The following NTNG1 variants were observed in gnomAD, a reference collection of about 807,000 sequenced individuals.
NTNG1 encodes the protein netrin-G1.
A neutral mutation model predicts 54.0 loss-of-function variants in NTNG1; 16 were observed. That is an observed-to-expected ratio of 0.30 (90% CI 0.20 to 0.45). NTNG1 has a LOEUF of 0.45. Among genes scored for constraint, NTNG1 ranks in the 20% least tolerant of loss-of-function variants. The pLI is 1.00. For synonymous variants in NTNG1, 255 were observed against 263.1 expected, an observed-to-expected ratio of 0.97 and a Z score of 0.30; for missense variants, 530 against 678.7, an observed-to-expected ratio of 0.78 and a Z score of 2.43.
chr1:107,146,715 T>C (rs1004085174), intron 1 of NTNG1, among the ~76,000 whole-genome samples: 3 of 152,070 alleles, frequency 2.0e-5, no homozygotes, highest in Non-Finnish European at 4.4e-5. Flanking sequence ...TAACATTTTA[T>C]GAATTGAATA....
At chr1:107,466,183 G>A (rs1488875270) in intron 7 of NTNG1, among the ~76,000 whole-genome samples, 1 of 151,984 alleles carries the variant, frequency 6.6e-6, no homozygotes, top group Non-Finnish European at 1.5e-5. Context: ...TTGTGAGGGA[G>A]AGAATGAGTG....
At chr1:107,152,427 T>C (rs1358166721) in intron 2 of NTNG1, among the ~76,000 whole-genome samples, 1 of 152,186 alleles carries the variant, frequency 6.6e-6, no homozygotes, top group Non-Finnish European at 1.5e-5. Context: ...CTATGACTTT[T>C]TCTTTGTGTT....
chr1:107,436,662 CAG>C lies in NTNG1; in HGVS notation c.1256_1257del, dbSNP rs771689765. On this transcript the variant is annotated splice_acceptor_variant, in intron 6 of 7. Coordinates refer to ENST00000370068, the MANE Select transcript of NTNG1 (RefSeq NM_001113226.3). LOFTEE classifies it high-confidence loss of function. The stretch of plus-strand genomic sequence containing the variant: ...CAGCCTGTGTGTTGTCTTGTTTCTA[CAG>C]AGTGTTATTGTAACCCTTTGGGCTC... The C allele has an allele frequency of 7.4e-6, 12 of 1,612,016 alleles. No individual in the cohort carries two copies. Among genetic ancestry groups the C allele is most frequent in the Non-Finnish European group, 9.3e-6 (11 of 1,178,868 alleles).
At chr1:107,460,849 G>A (rs1293310971) in intron 7 of NTNG1, among the ~76,000 whole-genome samples, 1 of 152,186 alleles carries the variant, frequency 6.6e-6, no homozygotes, top group East Asian at 1.9e-4. Context: ...ACTCTAGAGG[G>A]TCTGGCAGCC....
chr1:107,294,948 C>A lies in NTNG1; in HGVS notation c.247-29334C>A, dbSNP rs190979744. On this transcript the variant is annotated intron_variant, in intron 2 of 7. Coordinates refer to ENST00000370068, the MANE Select transcript of NTNG1 (RefSeq NM_001113226.3). ...TGTTTTCATCCAATACAATATCAAC[C>A]TAAATGCACTCAGTAAGTGAAATCT... Among the ~76,000 whole-genome samples the A allele has an allele frequency of 1.8e-3, 274 of 152,306 alleles. 2 individuals carry two copies. The highest frequency in any genetic ancestry group is 6.4e-3 in the African/African-American group (267 of 41,566).
intron 2 of NTNG1, among the ~76,000 whole-genome samples, chr1:107,237,746 C>T (rs1570929313): frequency 6.6e-6 from 1 of 152,174 alleles, no homozygotes; most frequent in Admixed American, 6.5e-5. Flanking sequence ...GTCTTGGCAG[C>T]TTCCAAGTGG....
Position 107,408,184 on chromosome 1 carries a change from G to A in NTNG1, c.1087+476G>A, listed in dbSNP as rs1027678591. The stretch of plus-strand genomic sequence containing the variant: ...CATGATACCAAGGGAAGGGAATTTT[G>A]TTAATGCATTAAATTCTATGTTTTG... On this transcript the variant is annotated intron_variant, in intron 5 of 7. Transcript: ENST00000370068. The A allele has an allele frequency of 2.1e-5, 5 of 240,120 alleles. No homozygotes were observed. The East Asian group carries it at 5.6e-4, about 27-fold the overall frequency. 14.9% of individuals were successfully genotyped at this position (240,120 alleles called of 1,614,324 possible).
chr1:107,325,480 T>C (rs1479035100), intron 3 of NTNG1, among the ~76,000 whole-genome samples: 2 of 152,160 alleles, frequency 1.3e-5, no homozygotes, highest in East Asian at 3.9e-4. Flanking sequence ...ATCAAAAATA[T>C]ATACTAGCAT....
chr1:107,276,126 T>G (rs1014304622), intron 2 of NTNG1, among the ~76,000 whole-genome samples: 1 of 152,218 alleles, frequency 6.6e-6, no homozygotes, highest in African/African-American at 2.4e-5. Flanking sequence ...CCTATGTACA[T>G]CACAGGTAGG....
At position 107,484,083 on chromosome 1, in the gene NTNG1, G is replaced by A. The variant is rs1558035621; in HGVS notation, c.*3243G>A. Among the ~76,000 whole-genome samples, 1 of 152,148 alleles carries A rather than the reference G, an allele frequency of 6.6e-6. No individual in the cohort carries two copies. The highest frequency in any genetic ancestry group is 2.1e-4 in the South Asian group (1 of 4,832). ...AGGCCAAATGTAGGCCCCCTCTGGG[G>A]GTTTAAACTCCTGGAGGCAAGCAAC... On this transcript the variant is annotated 3_prime_UTR_variant, in exon 8 of 8. Coordinates refer to ENST00000370068, the MANE Select transcript of NTNG1 (RefSeq NM_001113226.3).
At chr1:107,271,134 A>T (rs928959991) in intron 2 of NTNG1, among the ~76,000 whole-genome samples, 3 of 152,202 alleles carry the variant, frequency 2.0e-5, no homozygotes, top group Non-Finnish European at 2.9e-5. Flanking sequence ...AAAGATACAG[A>T]TTGTAATTTT....
intron 3 of NTNG1, among the ~76,000 whole-genome samples, chr1:107,367,253 T>A (rs1670653297): frequency 6.6e-6 from 1 of 152,018 alleles, no homozygotes. Flanking sequence ...GAAGTACAGA[T>A]CTTAATGTTT....
chr1:107,419,245 T>TCC (rs1674426419), intron 5 of NTNG1, among the ~76,000 whole-genome samples: 1 of 150,998 alleles, frequency 6.6e-6, no homozygotes, highest in Admixed American at 6.6e-5. Flanking sequence ...CCCTCCTCTC[T>TCC]CTCTCTCTCT....
At chr1:107,311,675 A>G (rs1181766820) in intron 2 of NTNG1, among the ~76,000 whole-genome samples, 9 of 152,146 alleles carry the variant, frequency 5.9e-5, no homozygotes. Context: ...AACCTACCTA[A>G]TTTATCCTAT....
chr1:107,214,939 A>G (rs559910781), intron 2 of NTNG1, among the ~76,000 whole-genome samples: 1 of 151,612 alleles, frequency 6.6e-6, no homozygotes, highest in Admixed American at 6.6e-5. Context: ...TTTTTTGATA[A>G]TTGTCTATTT....
intron 3 of NTNG1, among the ~76,000 whole-genome samples, chr1:107,327,801 C>T (rs1354802772): frequency 6.6e-6 from 1 of 152,022 alleles, no homozygotes; most frequent in South Asian, 2.1e-4. Flanking sequence ...ACAGAGAATT[C>T]AAAATTTTTT....
intron 5 of NTNG1, among the ~76,000 whole-genome samples, chr1:107,417,966 A>G (rs1440297051): frequency 6.6e-6 from 1 of 152,062 alleles, no homozygotes; most frequent in Non-Finnish European, 1.5e-5. Flanking sequence ...GCATCATGAA[A>G]ACACATACAC....
chr1:107,352,094 G>A (rs1044785296), intron 3 of NTNG1, among the ~76,000 whole-genome samples: 3 of 152,242 alleles, frequency 2.0e-5, no homozygotes, highest in African/African-American at 7.2e-5. Flanking sequence ...CAGCCCCTGT[G>A]GCTGCTTTCA....
At chr1:107,389,305 T>A (rs999938805) in intron 3 of NTNG1, among the ~76,000 whole-genome samples, 14 of 152,224 alleles carry the variant, frequency 9.2e-5, no homozygotes, top group South Asian at 2.1e-4. Flanking sequence ...GACATTTTTT[T>A]AATTTCTTTG....
Sources: allele counts gnomAD v4.1 joint callset (sites outside exome capture counted in the v4.1 genomes callset), GRCh38; gene constraint gnomAD v4.1.1; transcripts MANE v1.5; gene names NCBI Gene and HGNC (gene_info 2026-07-23, HGNC 2026-07-21).